PAFAH1B1: variants seen among roughly 807,000 people sequenced by gnomAD.
PAFAH1B1 encodes platelet-activating factor acetylhydrolase IB subunit beta.
In PAFAH1B1, 2 loss-of-function variants were observed where a neutral mutation model predicts 57.5. The observed-to-expected ratio is 0.03, with a 90% CI of 0.01 to 0.11. PAFAH1B1 has a LOEUF of 0.11. PAFAH1B1 is among the 10% of genes least tolerant of loss of function. PAFAH1B1 has a pLI of 1.00. For synonymous variants in PAFAH1B1, 152 were observed against 169.6 expected (o/e 0.90, Z 0.81); for missense variants, 257 against 512.0 (o/e 0.50, Z 4.81).
intron 1 of PAFAH1B1, among the ~76,000 whole-genome samples, chr17:2,619,005 C>T (rs1399490915): frequency 6.6e-6 from 1 of 150,724 alleles, no homozygotes; most frequent in Non-Finnish European, 1.5e-5. Flanking sequence ...ATAACACTCC[C>T]ACAAGAGATA....
chr17:2,652,044 G>T (rs1256426158), intron 2 of PAFAH1B1, among the ~76,000 whole-genome samples: 1 of 152,066 alleles, frequency 6.6e-6, no homozygotes, highest in Non-Finnish European at 1.5e-5. Flanking sequence ...CCATAGTTTT[G>T]TCTTTTCCAG....
intron 1 of PAFAH1B1, among the ~76,000 whole-genome samples, chr17:2,598,012 C>G (rs138289938): frequency 6.6e-6 from 1 of 151,720 alleles, no homozygotes; most frequent in African/African-American, 2.4e-5. Context: ...TTTGGGAGGC[C>G]GAGGCGGGTG....
At chr17:2,676,193 C>G (rs2069264422) in intron 8 of PAFAH1B1, 1 of 338,160 alleles carries the variant, frequency 3.0e-6, no homozygotes, top group Admixed American at 4.2e-5. Context: ...GCCTGCCCAA[C>G]ATGGCAAAAC....
chr17:2,599,145 T>G (rs1241622423), intron 1 of PAFAH1B1, among the ~76,000 whole-genome samples: 1 of 152,246 alleles, frequency 6.6e-6, no homozygotes, highest in Non-Finnish European at 1.5e-5. Context: ...TAGAACTTTC[T>G]AAATATTGAG....
chr17:2,630,874 T>G (rs1240383686), intron 1 of PAFAH1B1, among the ~76,000 whole-genome samples: 1 of 152,138 alleles, frequency 6.6e-6, no homozygotes, highest in Non-Finnish European at 1.5e-5. Context: ...AAAATAGACA[T>G]GATTTAAATA....
intron 2 of PAFAH1B1, among the ~76,000 whole-genome samples, chr17:2,652,197 T>C (rs896565192): frequency 9.2e-5 from 14 of 151,818 alleles, no homozygotes; most frequent in African/African-American, 3.1e-4. Context: ...AATCACGAGG[T>C]CAGGAGATCG....
chr17:2,647,465 A>G (rs560907885), intron 2 of PAFAH1B1, among the ~76,000 whole-genome samples: 5 of 152,274 alleles, frequency 3.3e-5, no homozygotes, highest in African/African-American at 9.6e-5. Context: ...TGAACCTGAG[A>G]GGCAGAGATT....
chr17:2,653,372 A>T (rs1018959166), intron 2 of PAFAH1B1, among the ~76,000 whole-genome samples: 5 of 152,154 alleles, frequency 3.3e-5, no homozygotes, highest in African/African-American at 1.2e-4. Context: ...ATACATATGT[A>T]ACAAACCTGC....
chr17:2,648,948 A>G (rs987414157), intron 2 of PAFAH1B1, among the ~76,000 whole-genome samples: 1 of 152,106 alleles, frequency 6.6e-6, no homozygotes, highest in Non-Finnish European at 1.5e-5. Context: ...CAGCTCATGT[A>G]GTAAGGCAAC....
intron 1 of PAFAH1B1, among the ~76,000 whole-genome samples, chr17:2,616,219 C>G (rs1179205358): frequency 2.0e-5 from 3 of 152,098 alleles, no homozygotes; most frequent in African/African-American, 7.2e-5. Flanking sequence ...AATATTCATT[C>G]TGGTAGAGTT....
intron 1 of PAFAH1B1, among the ~76,000 whole-genome samples, chr17:2,630,918 C>G (rs1463380419): frequency 6.6e-6 from 1 of 152,048 alleles, no homozygotes; most frequent in Non-Finnish European, 1.5e-5. Context: ...AATAGTACAT[C>G]CACATGATCA....
At chr17:2,616,033 A>G (rs1343555159) in intron 1 of PAFAH1B1, among the ~76,000 whole-genome samples, 1 of 152,208 alleles carries the variant, frequency 6.6e-6, no homozygotes. Flanking sequence ...ACGACGAAAC[A>G]AGAATAGGAT....
intron 1 of PAFAH1B1, among the ~76,000 whole-genome samples, chr17:2,635,688 A>G (rs1021039486): frequency 3.3e-5 from 5 of 152,154 alleles, no homozygotes; most frequent in Middle Eastern, 6.8e-3. Context: ...TTGTACATTC[A>G]TTTGCTTTTT....
intron 1 of PAFAH1B1, among the ~76,000 whole-genome samples, 186 bp downstream of exon 1, chr17:2,594,192 A>G (rs2068057258): frequency 6.6e-6 from 1 of 151,242 alleles, no homozygotes; most frequent in Non-Finnish European, 1.5e-5. Context: ...GGCGGCCGCG[A>G]CGGCCGTTGA....
intron 2 of PAFAH1B1, among the ~76,000 whole-genome samples, chr17:2,654,969 A>T (rs573972597): frequency 0.028 from 3,822 of 135,636 alleles, 161 homozygotes; most frequent in African/African-American, 0.11. Context: ...TTTTTTTTTT[A>T]AAAGAGACAG....
intron 9 of PAFAH1B1, among the ~76,000 whole-genome samples, chr17:2,677,502 T>A (rs181335310): frequency 9.6e-4 from 146 of 151,990 alleles, no homozygotes; most frequent in Middle Eastern, 3.4e-3. Context: ...CTTGAAGTGA[T>A]TGTCTCTCTG....
intron 2 of PAFAH1B1, among the ~76,000 whole-genome samples, chr17:2,650,119 T>G (rs1026451849): frequency 2.6e-5 from 4 of 152,182 alleles, no homozygotes; most frequent in Non-Finnish European, 5.9e-5. Flanking sequence ...GCACTGTGGC[T>G]TAGGCCTGGA....
At chr17:2,613,457 G>T in intron 1 of PAFAH1B1, 1 of 242,570 alleles carries the variant, frequency 4.1e-6, no homozygotes, top group Non-Finnish European at 8.4e-6. Flanking sequence ...GGCCCGCAGT[G>T]TTGGTGGCTG....
intron 1 of PAFAH1B1, among the ~76,000 whole-genome samples, chr17:2,612,088 C>A (rs956966109): frequency 3.3e-5 from 5 of 151,722 alleles, no homozygotes; most frequent in Non-Finnish European, 7.4e-5. Context: ...CTAGTAGTAT[C>A]TTGGTGTGAC....
Sources: allele counts gnomAD v4.1 joint callset (sites outside exome capture counted in the v4.1 genomes callset), GRCh38; gene constraint gnomAD v4.1.1; transcripts MANE v1.5; gene names NCBI Gene and HGNC (gene_info 2026-07-23, HGNC 2026-07-21).